STON2: variants seen among roughly 807,000 people sequenced by gnomAD.
STON2 encodes the protein stonin 2, also known as stonin-2.
Under a neutral mutation model 65.7 loss-of-function variants are expected in STON2, and 29 were observed. The observed-to-expected ratio is 0.44, with a 90% CI of 0.33 to 0.60. The LOEUF is 0.60. Among genes scored for constraint, STON2 ranks in the 20% least tolerant of loss-of-function variants. The pLI is 0.03. For missense variants in STON2, 1,054 were observed against 1,118.1 expected, an observed-to-expected ratio of 0.94 and a Z score of 0.82; for synonymous variants, 404 against 414.2, an observed-to-expected ratio of 0.98 and a Z score of 0.30.
At chr14:81,309,804 G>A (rs148824144) in intron 5 of STON2, among the ~76,000 whole-genome samples, 133 of 152,284 alleles carry the variant, frequency 8.7e-4, no homozygotes, top group African/African-American at 3.0e-3. Flanking sequence ...TAGGGATAAC[G>A]TACCAAAGAC....
intron 5 of STON2, among the ~76,000 whole-genome samples, chr14:81,297,624 T>C (rs992423540): frequency 1.3e-5 from 2 of 152,252 alleles, no homozygotes; most frequent in East Asian, 1.9e-4. Flanking sequence ...TTTAAATTAT[T>C]TTCATTATTA....
Position 81,265,884 on chromosome 14 carries a change from T to A in STON2, c.*2530A>T. 2.0e-6 allele frequency: 2 copies of A among 985,116 alleles called. No individual in the cohort carries two copies. Among genetic ancestry groups the A allele is most frequent in the Non-Finnish European group, 2.4e-6 (2 of 829,862 alleles). 61.0% of individuals were successfully genotyped at this position (985,116 alleles called of 1,614,324 possible). On this transcript the variant is annotated 3_prime_UTR_variant, in exon 8 of 8. Coordinates refer to ENST00000614646, the MANE Select transcript of STON2 (RefSeq NM_001394390.1). ...AGATGAGGCAGAGATCTTGACAGAG[T>A]GCTAAGCGTGAGTGACTAAGGAAGG...
At chr14:81,373,890 C>T (rs1177805882) in intron 3 of STON2, among the ~76,000 whole-genome samples, 1 of 150,212 alleles carries the variant, frequency 6.7e-6, no homozygotes, top group South Asian at 2.1e-4. Flanking sequence ...TAGGGGTGTA[C>T]AGCTAAAACT....
intron 2 of STON2, among the ~76,000 whole-genome samples, chr14:81,407,988 A>G (rs983511911): frequency 1.3e-5 from 2 of 152,218 alleles, no homozygotes; most frequent in Admixed American, 6.5e-5. Flanking sequence ...AACAAAGAGA[A>G]GACTGGAAGG....
intron 4 of STON2, among the ~76,000 whole-genome samples, chr14:81,331,504 G>C (rs1035426246): frequency 1.1e-4 from 17 of 152,116 alleles, no homozygotes; most frequent in East Asian, 3.9e-4. Context: ...CTACTGGGAG[G>C]GGGGGTACAG....
intron 5 of STON2, among the ~76,000 whole-genome samples, chr14:81,280,759 G>A (rs1176038703): frequency 6.6e-6 from 1 of 152,030 alleles, no homozygotes; most frequent in Non-Finnish European, 1.5e-5. Flanking sequence ...GCCTGTAATC[G>A]CAGCACTTTG....
chr14:81,276,488 G>A (rs1330907320), intron 6 of STON2, among the ~76,000 whole-genome samples: 1 of 152,098 alleles, frequency 6.6e-6, no homozygotes, highest in Non-Finnish European at 1.5e-5. Flanking sequence ...GTCCATGATT[G>A]GCCATAAACT....
At chr14:81,361,995 C>T (rs561465724) in intron 4 of STON2, among the ~76,000 whole-genome samples, 2 of 151,914 alleles carry the variant, frequency 1.3e-5, no homozygotes, top group Non-Finnish European at 2.9e-5. Flanking sequence ...ATATAACTAG[C>T]GTTGGTGAGG....
intron 5 of STON2, among the ~76,000 whole-genome samples, chr14:81,299,990 TC>T (rs1895909732): frequency 6.6e-6 from 1 of 151,864 alleles, no homozygotes; most frequent in African/African-American, 2.4e-5. Context: ...TCAAAGCCTA[TC>T]AATCACCAAG....
intron 2 of STON2, among the ~76,000 whole-genome samples, chr14:81,414,706 GGGA>G (rs1901339392): frequency 6.6e-6 from 1 of 152,028 alleles, no homozygotes; most frequent in African/African-American, 2.4e-5. Flanking sequence ...CTGCCACTCG[GGGA>G]GGAGAAGGTA....
At chr14:81,409,413 AT>A (rs1901041194) in intron 2 of STON2, among the ~76,000 whole-genome samples, 2 of 113,016 alleles carry the variant, frequency 1.8e-5, no homozygotes, top group East Asian at 2.6e-4. Flanking sequence ...TCAAAAAAAA[AT>A]AAAAATAAAT....
chr14:81,342,857 T>C (rs1566917988), intron 4 of STON2, among the ~76,000 whole-genome samples: 1 of 151,942 alleles, frequency 6.6e-6, no homozygotes, highest in African/African-American at 2.4e-5. Flanking sequence ...CAGTAATGGG[T>C]GGTTTTGACA....
At chr14:81,330,193 C>T (rs1313534748) in intron 4 of STON2, among the ~76,000 whole-genome samples, 1 of 152,208 alleles carries the variant, frequency 6.6e-6, no homozygotes, top group East Asian at 1.9e-4. Context: ...TACCATCACC[C>T]CCTCTCGGCA....
chr14:81,352,618 T>C (rs895112229), intron 4 of STON2, among the ~76,000 whole-genome samples: 2 of 152,202 alleles, frequency 1.3e-5, no homozygotes, highest in African/African-American at 4.8e-5. Flanking sequence ...CAAGCCTGGA[T>C]GTCATTCTTA....
chr14:81,347,102 TA>T lies in STON2; in HGVS notation c.572-22916del, dbSNP rs201448229. ...AAAATAGAACCAAAACAAAACAAAATAAAAAAAAACCCCGAAGAATCAACAA... is the reference window on the plus strand; with the variant it reads ...AAAATAGAACCAAAACAAAACAAAATAAAAAAAACCCCGAAGAATCAACAA... On this transcript the variant is annotated intron_variant, in intron 4 of 7. Transcript: ENST00000614646. 5.9e-3 allele frequency among the ~76,000 whole-genome samples: 884 copies of T among 149,664 alleles called. 4 individuals are homozygous for T. The highest frequency in any genetic ancestry group is 0.028 in the South Asian group (135 of 4,774).
intron 3 of STON2, among the ~76,000 whole-genome samples, chr14:81,386,011 G>C (rs1004284071): frequency 2.0e-5 from 3 of 152,114 alleles, no homozygotes; most frequent in African/African-American, 7.2e-5. Flanking sequence ...AGGGCAGAGG[G>C]AACAGCCAGG....
chr14:81,279,965 GA>G (rs901709463), intron 5 of STON2, among the ~76,000 whole-genome samples: 3 of 151,946 alleles, frequency 2.0e-5, no homozygotes, highest in Non-Finnish European at 4.4e-5. Flanking sequence ...TTATAATAGG[GA>G]AAAATATTTT....
rs538135173 is a variant in STON2 at position 81,266,106 on chromosome 14, G to C, written c.*2308C>G. 29 of 984,796 alleles carry C rather than the reference G, an allele frequency of 2.9e-5. No individual in the cohort carries two copies. The African/African-American group carries it at 4.5e-4, about 15-fold the overall frequency. 61.0% of individuals were successfully genotyped at this position (984,796 alleles called of 1,614,324 possible). ...ATGAAGAAAAAGACAAATGAAGTTA[G>C]AGAGTCTTATTACTATTGAGACTAA... On this transcript the variant is annotated 3_prime_UTR_variant, in exon 8 of 8. Transcript: ENST00000614646.
At chr14:81,387,949 CTTTTTTT>C (rs369887955) in intron 3 of STON2, among the ~76,000 whole-genome samples, 3 of 102,790 alleles carry the variant, frequency 2.9e-5, no homozygotes, top group Non-Finnish European at 5.4e-5. Context: ...TATTTCTTTT[CTTTTTTT>C]TTTTTTTTTT....
Sources: allele counts gnomAD v4.1 joint callset (sites outside exome capture counted in the v4.1 genomes callset), GRCh38; gene constraint gnomAD v4.1.1; transcripts MANE v1.5; gene names NCBI Gene and HGNC (gene_info 2026-07-23, HGNC 2026-07-21).